MYO6: variants seen among roughly 807,000 people sequenced by gnomAD.
The protein encoded by MYO6 is myosin VI.
In MYO6, 74 loss-of-function variants were observed where a neutral mutation model predicts 178.7. The ratio of observed to expected loss-of-function variants is 0.41; its 90% CI spans 0.34 to 0.50. MYO6 has a LOEUF of 0.50. Among genes scored for constraint, MYO6 ranks in the 20% least tolerant of loss-of-function variants. The pLI is 0.09. For missense variants in MYO6, 1,330 were observed against 1,547.4 expected, an observed-to-expected ratio of 0.86 and a Z score of 2.36; for synonymous variants, 477 against 504.6, an observed-to-expected ratio of 0.95 and a Z score of 0.73.
intron 18 of MYO6, among the ~76,000 whole-genome samples, chr6:75,868,031 G>A (rs545429711): frequency 6.6e-6 from 1 of 152,064 alleles, no homozygotes; most frequent in Admixed American, 6.5e-5. Flanking sequence ...TTCACTATAT[G>A]TACTTTAAAT....
At chr6:75,797,804 G>C (rs1003210136) in intron 1 of MYO6, among the ~76,000 whole-genome samples, 1 of 152,200 alleles carries the variant, frequency 6.6e-6, no homozygotes, top group Middle Eastern at 3.2e-3. Flanking sequence ...AAAATGCTGG[G>C]ATTATAGGTG....
chr6:75,876,228 T>C (rs1777559097), intron 20 of MYO6, among the ~76,000 whole-genome samples: 1 of 152,232 alleles, frequency 6.6e-6, no homozygotes. Flanking sequence ...AGTGCCTTTA[T>C]TTCACAGTTG....
chr6:75,799,554 G>A (rs1005731193), intron 1 of MYO6, among the ~76,000 whole-genome samples: 1 of 152,158 alleles, frequency 6.6e-6, no homozygotes, highest in Non-Finnish European at 1.5e-5. Context: ...GCTCTAGCGA[G>A]TCAATAAGGC....
intron 1 of MYO6, among the ~76,000 whole-genome samples, chr6:75,767,486 A>G (rs960359291): frequency 7.3e-5 from 11 of 151,072 alleles, no homozygotes; most frequent in African/African-American, 2.4e-4. Context: ...TATAAATAGT[A>G]TATGGTTCAT....
chr6:75,915,596 G>T lies in MYO6; in HGVS notation c.*584G>T. 1 of 159,560 alleles carries T rather than the reference G, an allele frequency of 6.3e-6. No homozygotes were observed. Among genetic ancestry groups the T allele is most frequent in the Admixed American group, 5.9e-5 (1 of 17,070 alleles). 9.9% of individuals were successfully genotyped at this position (159,560 alleles called of 1,614,324 possible). A position where few individuals can be genotyped will look rare whatever the true frequency, so the allele number is the denominator to read the frequency against. Reference sequence around the variant, plus strand: ...AACACTTCGAAGTTCTAGAATTCTAGAAAGAGCCTTAATGTATTTGATGTA... The same window carrying T: ...AACACTTCGAAGTTCTAGAATTCTATAAAGAGCCTTAATGTATTTGATGTA... On this transcript the variant is annotated 3_prime_UTR_variant, in exon 35 of 35. Coordinates refer to ENST00000369977, the MANE Select transcript of MYO6 (RefSeq NM_004999.4).
chr6:75,797,691 G>A (rs1179287335), intron 1 of MYO6, among the ~76,000 whole-genome samples: 3 of 151,908 alleles, frequency 2.0e-5, no homozygotes, highest in Non-Finnish European at 2.9e-5. Flanking sequence ...CTGCCACCAC[G>A]CCTGTCTAAT....
chr6:75,757,462 T>A (rs2149973294), intron 1 of MYO6, among the ~76,000 whole-genome samples: 1 of 150,266 alleles, frequency 6.7e-6, no homozygotes, highest in East Asian at 2.0e-4. Context: ...ATCACAGAGG[T>A]GGGCGACCTT....
At chr6:75,801,991 T>C (rs988671293) in intron 1 of MYO6, among the ~76,000 whole-genome samples, 5 of 152,246 alleles carry the variant, frequency 3.3e-5, no homozygotes, top group East Asian at 1.9e-4. Flanking sequence ...AATATACTTA[T>C]TGCATAATTT....
intron 1 of MYO6, among the ~76,000 whole-genome samples, chr6:75,774,819 G>A (rs9447547): frequency 0.02 from 3,079 of 151,262 alleles, 103 homozygotes; most frequent in African/African-American, 0.07. Flanking sequence ...TTTTGACGGA[G>A]TCTCACTCTG....
At chr6:75,841,091 G>A (rs147722766) in intron 8 of MYO6, 123 bp from the exon 9 acceptor site, 1 of 950,658 alleles carries the variant, frequency 1.1e-6, no homozygotes, top group African/African-American at 1.7e-5. Flanking sequence ...CCTTTATTTG[G>A]TGAATATTAT....
At chr6:75,799,362 C>T (rs912177088) in intron 1 of MYO6, among the ~76,000 whole-genome samples, 2 of 150,792 alleles carry the variant, frequency 1.3e-5, no homozygotes, top group African/African-American at 4.9e-5. Context: ...TGCCTTCCAC[C>T]CCGGACGACA....
At chr6:75,789,993 TCTTTCTGTGCCTGG>T (rs1163038018) in intron 1 of MYO6, among the ~76,000 whole-genome samples, 1 of 152,230 alleles carries the variant, frequency 6.6e-6, no homozygotes, top group East Asian at 1.9e-4. Flanking sequence ...ACAGTGTTTG[TCTTTCTGTGCCTGG>T]CTTATTTTAC....
chr6:75,811,397 G>C (rs1225552813), intron 1 of MYO6, among the ~76,000 whole-genome samples: 2 of 152,056 alleles, frequency 1.3e-5, no homozygotes, highest in African/African-American at 4.8e-5. Context: ...AAATGCTTCT[G>C]TTTTCTCCTT....
intron 11 of MYO6, among the ~76,000 whole-genome samples, chr6:75,852,889 G>A (rs189155467): frequency 6.6e-6 from 1 of 152,248 alleles, no homozygotes; most frequent in East Asian, 1.9e-4. Flanking sequence ...ATCACATCAT[G>A]GTAAACTCTG....
chr6:75,788,660 A>G (rs1050301331), intron 1 of MYO6, among the ~76,000 whole-genome samples: 3 of 152,082 alleles, frequency 2.0e-5, no homozygotes, highest in African/African-American at 7.2e-5. Context: ...CTGGTCTTGA[A>G]CTCTGGACCT....
intron 25 of MYO6, among the ~76,000 whole-genome samples, chr6:75,889,565 G>A (rs1778738699): frequency 6.6e-6 from 1 of 152,154 alleles, no homozygotes; most frequent in African/African-American, 2.4e-5. Flanking sequence ...GTACCACCAT[G>A]CCCAGCTAAT....
chr6:75,917,537 G>A lies in MYO6; in HGVS notation c.*2525G>A, dbSNP rs1161967828. ...TTGAGTTTTCTTAGTTGTAAAGTTG[G>A]GGAGATGGCACCTTCTCAGAGGATT... On this transcript the variant is annotated 3_prime_UTR_variant, in exon 35 of 35. Coordinates refer to ENST00000369977, the MANE Select transcript of MYO6 (RefSeq NM_004999.4). 1.3e-5 allele frequency: 2 copies of A among 152,212 alleles called. No individual in the cohort carries two copies. Among genetic ancestry groups the A allele is most frequent in the South Asian group, 4.1e-4 (2 of 4,830 alleles). The allele number at this position is 152,212 out of a possible 1,614,324, so 9.4% of individuals were successfully genotyped here.
At chr6:75,911,789 A>G (rs1179318377) in intron 33 of MYO6, 91 bp downstream of exon 33, 1 of 1,263,042 alleles carries the variant, frequency 7.9e-7, no homozygotes, top group African/African-American at 1.5e-5. Flanking sequence ...TTGTTTTGCT[A>G]CAATTTTCAG....
chr6:75,769,146 C>G (rs1325827931), intron 1 of MYO6, among the ~76,000 whole-genome samples: 1 of 152,200 alleles, frequency 6.6e-6, no homozygotes, highest in Non-Finnish European at 1.5e-5. Context: ...CATCAGGTCC[C>G]ATCTCTAACA....
Sources: gnomAD v4.1 joint callset for allele counts (sites outside exome capture counted in the v4.1 genomes callset) on GRCh38, gnomAD v4.1.1 for gene constraint, MANE v1.5 for transcripts, NCBI Gene and HGNC (gene_info 2026-07-23, HGNC 2026-07-21) for gene names.